TBC1D30: variants seen among roughly 807,000 people sequenced by gnomAD.
TBC1D30 encodes the protein TBC1 domain family, member 30.
Under a neutral mutation model 63.2 loss-of-function variants are expected in TBC1D30, and 31 were observed. That is an observed-to-expected ratio of 0.49 (90% confidence interval 0.37 to 0.66). The LOEUF (loss-of-function observed/expected upper bound fraction) is 0.66. Ranked by LOEUF, TBC1D30 falls within the 30% of genes least tolerant of loss-of-function variation. TBC1D30 has a pLI of 0.00. For missense variants in TBC1D30, 810 were observed against 953.6 expected, an observed-to-expected ratio of 0.85 and a Z score of 1.98; for synonymous variants, 307 against 361.5, an observed-to-expected ratio of 0.85 and a Z score of 1.71.
At chr12:64,816,584 A>G (rs549389134) in intron 2 of TBC1D30, among the ~76,000 whole-genome samples, 2 of 152,270 alleles carry the variant, frequency 1.3e-5, no homozygotes, top group African/African-American at 4.8e-5. Context: ...AAGCTGCTCT[A>G]CTGGTATTGC....
Position 64,877,010 on chromosome 12 carries a change from A to G in TBC1D30, c.*1222A>G, listed in dbSNP as rs1879138103. 2.3e-6 allele frequency: 1 copy of G among 431,008 alleles called. No homozygotes were observed. Among genetic ancestry groups the G allele is most frequent in the Non-Finnish European group, 4.7e-6 (1 of 212,554 alleles). 26.7% of individuals were successfully genotyped at this position (431,008 alleles called of 1,614,324 possible). On this transcript the variant is annotated 3_prime_UTR_variant, in exon 12 of 12. Transcript: ENST00000539867. ...AATAGGTGGGTTTAATGCTCTTTGT[A>G]CACAGATGTATTGGCTACATAGCGT...
rs1467519226 is a variant in TBC1D30, at chr12:64,843,492, C to G, written c.1038+7C>G. 1.3e-6 allele frequency: 2 copies of G among 1,534,854 alleles called. No individual in the cohort carries two copies. Among genetic ancestry groups the G allele is most frequent in the Non-Finnish European group, 1.7e-6 (2 of 1,145,906 alleles). ...AAGCCATGAACTCATGCAGGTGAGT[C>G]GGCAACATGGAGCAGCTTGGCTCGG... On this transcript the variant is annotated splice_region_variant and intron_variant, in intron 8 of 11. Coordinates refer to ENST00000539867, the MANE Select transcript of TBC1D30 (RefSeq NM_015279.2).
chr12:64,763,149 T>G (rs2136267229), intron 1 of TBC1D30, among the ~76,000 whole-genome samples: 1 of 152,252 alleles, frequency 6.6e-6, no homozygotes, highest in Admixed American at 6.5e-5. Context: ...AGAGATGGGG[T>G]TTCGCCATGT....
At chr12:64,852,036 C>T (rs1565678193) in intron 8 of TBC1D30, among the ~76,000 whole-genome samples, 2 of 151,958 alleles carry the variant, frequency 1.3e-5, no homozygotes. Flanking sequence ...GTGGTGTTCT[C>T]GTATTTCCTG....
At chr12:64,843,328 C>T in intron 7 of TBC1D30, 52 bp from the exon 8 acceptor site, 2 of 1,452,792 alleles carry the variant, frequency 1.4e-6, no homozygotes, top group African/African-American at 1.4e-5. Flanking sequence ...TGTACTGTTA[C>T]ACAGCATGGA....
At chr12:64,834,160 T>C (rs1875117277) in intron 5 of TBC1D30, among the ~76,000 whole-genome samples, 1 of 152,184 alleles carries the variant, frequency 6.6e-6, no homozygotes. Context: ...ATCTTGTGTT[T>C]AGACATTTAA....
chr12:64,791,875 G>A (rs1483551508), intron 2 of TBC1D30, among the ~76,000 whole-genome samples: 4 of 151,968 alleles, frequency 2.6e-5, no homozygotes, highest in African/African-American at 9.7e-5. Context: ...GTAAGCTAAC[G>A]TACTTGGCCT....
Position 64,824,657 on chromosome 12 carries a change from G to C in TBC1D30, c.-223G>C. 1.9e-6 allele frequency: 1 copy of C among 516,806 alleles called. No homozygotes were observed. Among genetic ancestry groups the C allele is most frequent in the Non-Finnish European group, 3.3e-6 (1 of 304,104 alleles). The allele number at this position is 516,806 out of a possible 1,614,324, so 32.0% of individuals were successfully genotyped here. A position where few individuals can be genotyped will look rare whatever the true frequency, so the allele number is the denominator to read the frequency against. ...GCGATCTCCTGCCTCAGCCTTGCAG[G>C]CTCCGCACTGCAGATGCCTGCTGGC... On this transcript the variant is annotated 5_prime_UTR_variant, in exon 1 of 12. Coordinates refer to ENST00000539867, the MANE Select transcript of TBC1D30 (RefSeq NM_015279.2).
intron 9 of TBC1D30, among the ~76,000 whole-genome samples, chr12:64,865,653 C>T (rs1010392261): frequency 6.6e-6 from 1 of 151,962 alleles, no homozygotes; most frequent in Non-Finnish European, 1.5e-5. Context: ...GCCAGGAATT[C>T]GAGACCAGCC....
chr12:64,766,383 A>G (rs1213649999), intron 1 of TBC1D30, among the ~76,000 whole-genome samples: 4 of 152,170 alleles, frequency 2.6e-5, no homozygotes, highest in African/African-American at 7.2e-5. Flanking sequence ...GAGAAACATC[A>G]CAATCAAAAT....
intron 2 of TBC1D30, among the ~76,000 whole-genome samples, chr12:64,810,584 C>A (rs1873153209): frequency 6.6e-6 from 1 of 151,904 alleles, no homozygotes; most frequent in Non-Finnish European, 1.5e-5. Flanking sequence ...GCCTGGGCAA[C>A]AGAGCGAGAC....
At chr12:64,832,701 C>T (rs540845911) in intron 5 of TBC1D30, among the ~76,000 whole-genome samples, 17 of 152,162 alleles carry the variant, frequency 1.1e-4, no homozygotes, top group Non-Finnish European at 1.9e-4. Context: ...GTTGGTGTTG[C>T]GATCTCATCT....
rs1444437693 is a variant in TBC1D30, at chr12:64,877,608, A to C, written c.*1820A>C. ...ATCTGAAGTTAGCATCCAGCTTCTTAAAAAGCAGCCACGCCTACAGCCTGT... is the reference window on the plus strand; with the variant it reads ...ATCTGAAGTTAGCATCCAGCTTCTTCAAAAGCAGCCACGCCTACAGCCTGT... On this transcript the variant is annotated 3_prime_UTR_variant, in exon 12 of 12. Transcript: ENST00000539867. 1 of 152,240 alleles carries C rather than the reference A, an allele frequency of 6.6e-6. No individual in the cohort carries two copies. The allele number at this position is 152,240 out of a possible 1,614,324, so 9.4% of individuals were successfully genotyped here. A position where few individuals can be genotyped will look rare whatever the true frequency, so the allele number is the denominator to read the frequency against.
chr12:64,766,100 T>TG (rs767717010), intron 1 of TBC1D30, among the ~76,000 whole-genome samples: 3 of 151,686 alleles, frequency 2.0e-5, no homozygotes, highest in East Asian at 1.9e-4. Flanking sequence ...TTAAACAATA[T>TG]GGGGGGGAGA....
At chr12:64,761,202 C>T (rs552143761) in intron 1 of TBC1D30, among the ~76,000 whole-genome samples, 23 of 152,082 alleles carry the variant, frequency 1.5e-4, no homozygotes, top group African/African-American at 5.5e-4. Context: ...CTTTCTTGCA[C>T]AAAAAAATAA....
intron 2 of TBC1D30, among the ~76,000 whole-genome samples, chr12:64,811,231 A>T (rs537129069): frequency 1.3e-5 from 2 of 152,324 alleles, no homozygotes; most frequent in African/African-American, 4.8e-5. Context: ...AAAGCATTTT[A>T]AAAAAGTCTT....
In TBC1D30 at chr12:64,875,376, C is replaced by CT. The variant is rs1323244222; in HGVS notation, c.1875dup (p.Glu626Ter). The CT allele has an allele frequency of 6.5e-7, 1 of 1,536,238 alleles. No individual in the cohort carries two copies. The highest frequency in any genetic ancestry group is 8.7e-7 in the Non-Finnish European group (1 of 1,146,920). Reference sequence around the variant, plus strand: ...ACAGCTGGGAGAGAAGGCAGCAGCCCTGAAGGCAGTACCAGGAGGACGATC... The same window carrying CT: ...ACAGCTGGGAGAGAAGGCAGCAGCCCTTGAAGGCAGTACCAGGAGGACGATC... On this transcript the variant is annotated frameshift_variant, in exon 12 of 12. Coordinates refer to ENST00000539867, the MANE Select transcript of TBC1D30 (RefSeq NM_015279.2). LOFTEE classifies it low-confidence loss of function (END_TRUNC).
intron 2 of TBC1D30, among the ~76,000 whole-genome samples, chr12:64,786,799 T>TG (rs938692595): frequency 6.6e-6 from 1 of 151,608 alleles, no homozygotes; most frequent in Non-Finnish European, 1.5e-5. Flanking sequence ...AAAAATTAGC[T>TG]GGTCGTGGTG....
chr12:64,818,894 TATCA>T (rs1424725546), intron 2 of TBC1D30: 1 of 152,232 alleles, frequency 6.6e-6, no homozygotes, highest in Non-Finnish European at 1.5e-5. Flanking sequence ...ATATGGTCAA[TATCA>T]ATCTAGCTCA....
Sources: allele counts gnomAD v4.1 joint callset (sites outside exome capture counted in the v4.1 genomes callset), GRCh38; gene constraint gnomAD v4.1.1; transcripts MANE v1.5; gene names NCBI Gene and HGNC (gene_info 2026-07-23, HGNC 2026-07-21).